The following ARB2A variants were observed in gnomAD, a reference collection of about 807,000 sequenced individuals.
ARB2A encodes cotranscriptional regulator ARB2A.
the ARB2A span, among the ~76,000 whole-genome samples, chr5:93,768,467 A>C: frequency 1.3e-5 from 2 of 150,146 alleles, no homozygotes; most frequent in African/African-American, 2.4e-5. Flanking sequence ...TATCCACTAT[A>C]TATATATATA....
the ARB2A span, among the ~76,000 whole-genome samples, chr5:93,928,768 G>A: frequency 2.6e-5 from 4 of 152,040 alleles, no homozygotes; most frequent in Non-Finnish European, 5.9e-5. Flanking sequence ...AGTATTTTAT[G>A]AAGGTTCCAA....
the ARB2A span, among the ~76,000 whole-genome samples, chr5:93,794,495 C>T: frequency 6.6e-6 from 1 of 151,936 alleles, no homozygotes; most frequent in Non-Finnish European, 1.5e-5. Context: ...TGTTAAAGAA[C>T]CGTGTTTTGT....
At chr5:93,747,438 A>C in the ARB2A span, among the ~76,000 whole-genome samples, 8 of 152,122 alleles carry the variant, frequency 5.3e-5, no homozygotes, top group Admixed American at 1.3e-4. Flanking sequence ...ACTAGCATTA[A>C]ATGCAGCAAT....
At chr5:93,962,322 GT>G in the ARB2A span, among the ~76,000 whole-genome samples, 2 of 152,232 alleles carry the variant, frequency 1.3e-5, no homozygotes, top group African/African-American at 4.8e-5. Flanking sequence ...TTGTAGTGAA[GT>G]TGTTAATTCA....
At chr5:93,886,757 G>A in the ARB2A span, among the ~76,000 whole-genome samples, 2 of 151,596 alleles carry the variant, frequency 1.3e-5, no homozygotes, top group East Asian at 1.9e-4. Flanking sequence ...GGACTGAAAC[G>A]CGTGAAATGT....
At chr5:93,888,781 T>C in the ARB2A span, among the ~76,000 whole-genome samples, 1 of 151,862 alleles carries the variant, frequency 6.6e-6, no homozygotes, top group Non-Finnish European at 1.5e-5. Context: ...TAAAATATCA[T>C]GTGTTTAAAT....
the ARB2A span, among the ~76,000 whole-genome samples, chr5:94,042,288 T>G: frequency 6.6e-6 from 1 of 151,502 alleles, no homozygotes; most frequent in African/African-American, 2.4e-5. Context: ...CTTAGAGCAC[T>G]GATCTGCTGT....
At chr5:94,060,735 T>C in the ARB2A span, among the ~76,000 whole-genome samples, 1 of 152,162 alleles carries the variant, frequency 6.6e-6, no homozygotes. Flanking sequence ...TCAATATCTC[T>C]AATGGACCTG....
chr5:93,688,702 T>C, the ARB2A span, among the ~76,000 whole-genome samples: 1 of 152,202 alleles, frequency 6.6e-6, no homozygotes, highest in African/African-American at 2.4e-5. Context: ...ATGCCAAAAC[T>C]GAACTCATCA....
the ARB2A span, chr5:94,053,000 T>G: frequency 2.3e-6 from 1 of 427,822 alleles, no homozygotes; most frequent in Non-Finnish European, 4.2e-6. Flanking sequence ...ACATTCTACT[T>G]GGCCTTTAAA....
the ARB2A span, among the ~76,000 whole-genome samples, chr5:93,859,897 T>A: frequency 6.6e-6 from 1 of 152,228 alleles, no homozygotes; most frequent in Non-Finnish European, 1.5e-5. Context: ...GGAAACAATT[T>A]GATATTACCC....
the ARB2A span, among the ~76,000 whole-genome samples, chr5:93,713,786 AAAG>A: frequency 3.3e-5 from 5 of 152,244 alleles, no homozygotes; most frequent in Admixed American, 6.5e-5. Flanking sequence ...CATAAGATAA[AAAG>A]AAACAACTGG....
chr5:93,705,981 T>G, the ARB2A span, among the ~76,000 whole-genome samples: 2 of 152,124 alleles, frequency 1.3e-5, no homozygotes, highest in East Asian at 1.9e-4. Context: ...AAAAACAGAT[T>G]GATAATTCCT....
At chr5:93,677,718 T>C in the ARB2A span, among the ~76,000 whole-genome samples, 1 of 152,190 alleles carries the variant, frequency 6.6e-6, no homozygotes, top group Non-Finnish European at 1.5e-5. Context: ...AGTTTTTTAA[T>C]TCAGGAAAGG....
chr5:94,067,614 A>T, the ARB2A span, among the ~76,000 whole-genome samples: 29 of 152,322 alleles, frequency 1.9e-4, no homozygotes, highest in Non-Finnish European at 2.5e-4. Context: ...GAATAAATTT[A>T]ACCAAAGAGG....
the ARB2A span, among the ~76,000 whole-genome samples, chr5:94,005,263 G>A: frequency 6.6e-6 from 1 of 152,110 alleles, no homozygotes; most frequent in Non-Finnish European, 1.5e-5. Flanking sequence ...GAGTGCAGTG[G>A]CATGATCTCA....
the ARB2A span, among the ~76,000 whole-genome samples, chr5:94,077,677 G>A: frequency 6.6e-6 from 1 of 152,158 alleles, no homozygotes; most frequent in East Asian, 1.9e-4. Flanking sequence ...ATTAATACAT[G>A]CACTCGACAT....
chr5:93,682,346 A>C, the ARB2A span, among the ~76,000 whole-genome samples: 1 of 152,026 alleles, frequency 6.6e-6, no homozygotes, highest in Non-Finnish European at 1.5e-5. Context: ...TAGTCCTGAA[A>C]TTTGGATAAA....
chr5:93,970,382 T>C, the ARB2A span, among the ~76,000 whole-genome samples: 4 of 152,054 alleles, frequency 2.6e-5, no homozygotes, highest in Non-Finnish European at 5.9e-5. Flanking sequence ...CCAAATAAAA[T>C]CTTAGAAAAC....
Sources: allele counts gnomAD v4.1 joint callset (sites outside exome capture counted in the v4.1 genomes callset), GRCh38; gene constraint gnomAD v4.1.1; transcripts MANE v1.5; gene names NCBI Gene and HGNC (gene_info 2026-07-23, HGNC 2026-07-21).